Variants in COL23A1 observed in about 807,000 individuals in gnomAD.
COL23A1 encodes the protein collagen type XXIII alpha 1 chain.
COL23A1 carries 97 observed loss-of-function variants against 99.3 expected under a neutral mutation model. That is an observed-to-expected ratio of 0.98 (90% CI 0.83 to 1.16). The LOEUF (loss-of-function observed/expected upper bound fraction) is 1.16, where lower values mean the gene tolerates loss of function less well. Among genes scored for constraint, COL23A1 ranks in the 50% most tolerant of loss-of-function variants. The pLI, the probability that COL23A1 is intolerant of heterozygous loss-of-function variation, is 0.00. For missense variants in COL23A1, 762 were observed against 757.4 expected, an observed-to-expected ratio of 1.01 and a Z score of -0.07; for synonymous variants, 320 against 308.2, an observed-to-expected ratio of 1.04 and a Z score of -0.40.
chr5:178,371,445 C>T (rs1479387265), intron 2 of COL23A1, among the ~76,000 whole-genome samples: 4 of 152,150 alleles, frequency 2.6e-5, no homozygotes, highest in East Asian at 1.9e-4. Context: ...GGATGGGCCT[C>T]GCGGGCTTGG....
chr5:178,574,196 A>C (rs1763239207), intron 1 of COL23A1, among the ~76,000 whole-genome samples: 1 of 152,170 alleles, frequency 6.6e-6, no homozygotes, highest in Non-Finnish European at 1.5e-5. Context: ...AGAACAGGCA[A>C]AACTGAGCTA....
chr5:178,261,701 T>TGG (rs1765634890), intron 11 of COL23A1, 21 bp downstream of exon 11: 1 of 1,596,618 alleles, frequency 6.3e-7, no homozygotes, highest in South Asian at 1.1e-5. Flanking sequence ...GGGAGGGGCA[T>TGG]GGGGAATAAG....
intron 2 of COL23A1, among the ~76,000 whole-genome samples, chr5:178,486,249 TGAG>T (rs1757619661): frequency 6.6e-6 from 1 of 152,192 alleles, no homozygotes; most frequent in African/African-American, 2.4e-5. Context: ...AGCTGCAGAA[TGAG>T]GACGGTTGTC....
chr5:178,470,848 C>A (rs1204110444), intron 2 of COL23A1, among the ~76,000 whole-genome samples: 2 of 152,210 alleles, frequency 1.3e-5, no homozygotes, highest in South Asian at 4.1e-4. Flanking sequence ...CTGAGAGCTG[C>A]GCTGGAGAAG....
intron 2 of COL23A1, among the ~76,000 whole-genome samples, chr5:178,452,954 T>C (rs988365382): frequency 1.3e-5 from 2 of 152,204 alleles, no homozygotes; most frequent in Non-Finnish European, 2.9e-5. Context: ...AATGGATATA[T>C]ACATTAATTC....
Position 178,506,513 on chromosome 5 carries a change from C to G in COL23A1, c.361+54169G>C, listed in dbSNP as rs185831119. Among the ~76,000 whole-genome samples, 142 of 152,276 alleles carry G rather than the reference C, an allele frequency of 9.3e-4. 1 individual carries two copies. Among genetic ancestry groups the G allele is most frequent in the African/African-American group, 3.2e-3 (133 of 41,560 alleles). ...GCATGAGCAAAGAGCAATGCCTGGG[C>G]CAACAAGGAACTCCGTGGGAGGTGG... On this transcript the variant is annotated intron_variant, in intron 2 of 28. Transcript: ENST00000390654.
At chr5:178,367,614 C>T (rs997136955) in intron 2 of COL23A1, among the ~76,000 whole-genome samples, 2 of 152,128 alleles carry the variant, frequency 1.3e-5, no homozygotes, top group South Asian at 4.1e-4. Flanking sequence ...AGGCTGGGGG[C>T]GGGGTCAAAC....
chr5:178,590,163 T>A lies in COL23A1; in HGVS notation c.35A>T (p.Asp12Val). The A allele has an allele frequency of 8.2e-7, 1 of 1,222,410 alleles. No homozygotes were observed. Among genetic ancestry groups the A allele is most frequent in the Non-Finnish European group, 1.0e-6 (1 of 986,110 alleles). 75.7% of individuals were successfully genotyped at this position (1,222,410 alleles called of 1,614,324 possible). A position where few individuals can be genotyped will look rare whatever the true frequency, so the allele number is the denominator to read the frequency against. The change falls in exon 1 of 29, where the codon GAC becomes GTC. Residue 12 changes from aspartate (D) to valine (V), a missense_variant. Physicochemically the swap from Asp to Val is radical, Grantham distance 152. Transcript: ENST00000390654. This position sits in a 1 kb window ranked among gnomAD's most constrained non-coding sequence, Gnocchi z 5.7. ...GPGERAGGGG[D>V]AGKGNAAGGG... is the part of the protein sequence containing the mutation. ...GCCCGCCGCATTGCCCTTCCCCGCG[T>A]CGCCGCCGCCACCGGCGCGCTCGCC...
chr5:178,406,703 C>T (rs896886918), intron 2 of COL23A1, among the ~76,000 whole-genome samples: 19 of 152,172 alleles, frequency 1.2e-4, no homozygotes, highest in African/African-American at 3.1e-4. Flanking sequence ...GCTGGGATTA[C>T]AGGCATGAGT....
intron 2 of COL23A1, among the ~76,000 whole-genome samples, chr5:178,555,527 T>C (rs12523444): frequency 0.3 from 45,109 of 152,098 alleles, 6,759 homozygotes; most frequent in Middle Eastern, 0.4. Flanking sequence ...CAGATGGGCC[T>C]GAAGCCAGCT....
At chr5:178,403,137 A>G (rs1179302405) in intron 2 of COL23A1, among the ~76,000 whole-genome samples, 4 of 137,060 alleles carry the variant, frequency 2.9e-5, no homozygotes, top group African/African-American at 1.1e-4. Context: ...TAAATAAAAA[A>G]TAAATACCAT....
In COL23A1 at chr5:178,344,761, T is replaced by C. The variant is rs559977103; in HGVS notation, c.362-37842A>G. 1.3e-3 allele frequency: 622 copies of C among 467,438 alleles called. 9 individuals are homozygous for C. Among genetic ancestry groups the C allele is most frequent in the Middle Eastern group, 9.9e-3 (14 of 1,408 alleles). The allele number at this position is 467,438 out of a possible 1,614,324, so 29.0% of individuals were successfully genotyped here. ...GAACCTACTGAAACAGAGGGCCTAC[T>C]GTATGCCCGTTGCCTCCAGAAAGTT... On this transcript the variant is annotated intron_variant, in intron 2 of 28. Transcript: ENST00000390654.
At chr5:178,295,513 C>T (rs1394029811) in intron 3 of COL23A1, among the ~76,000 whole-genome samples, 2 of 152,216 alleles carry the variant, frequency 1.3e-5, no homozygotes, top group Non-Finnish European at 2.9e-5. Flanking sequence ...TGAGGACAGT[C>T]ACCTCACACA....
At chr5:178,319,081 C>T (rs930446675) in intron 2 of COL23A1, among the ~76,000 whole-genome samples, 5 of 151,426 alleles carry the variant, frequency 3.3e-5, no homozygotes, top group South Asian at 2.1e-4. Flanking sequence ...CAGGCTGTGT[C>T]GGTGCTGGGT....
At chr5:178,383,935 T>C (rs956754112) in intron 2 of COL23A1, among the ~76,000 whole-genome samples, 2 of 147,798 alleles carry the variant, frequency 1.4e-5, no homozygotes, top group Admixed American at 1.3e-4. Flanking sequence ...TAGACATGAA[T>C]GGCTAGAGAG....
At chr5:178,566,956 C>T (rs1197262657) in intron 1 of COL23A1, among the ~76,000 whole-genome samples, 1 of 152,188 alleles carries the variant, frequency 6.6e-6, no homozygotes, top group Admixed American at 6.5e-5. Flanking sequence ...TTTATATACA[C>T]ATTAGGGTTG....
At chr5:178,392,530 G>A (rs529345072) in intron 2 of COL23A1, among the ~76,000 whole-genome samples, 11 of 152,288 alleles carry the variant, frequency 7.2e-5, no homozygotes, top group African/African-American at 2.6e-4. Context: ...CAGCAGCAAT[G>A]TTTTATCCAC....
chr5:178,288,237 GCAGA>G, intron 5 of COL23A1, 83 bp downstream of exon 5: 1 of 1,117,036 alleles, frequency 9.0e-7, no homozygotes, highest in Non-Finnish European at 1.4e-6. Context: ...AGACAGGAGC[GCAGA>G]CAGAGTTAAA....
chr5:178,416,374 C>A lies in COL23A1; in HGVS notation c.362-109455G>T, dbSNP rs200904682. Among the ~76,000 whole-genome samples, 6 of 152,178 alleles carry A rather than the reference C, an allele frequency of 3.9e-5. No homozygotes were observed. In the South Asian group the frequency reaches 1.2e-3, roughly 32 times the overall value. On this transcript the variant is annotated intron_variant, in intron 2 of 28. Coordinates refer to ENST00000390654, the MANE Select transcript of COL23A1 (RefSeq NM_173465.4). ...TCCCCGGGCCTCCATCGTGGCTGAC[C>A]GGAGCTCGGCACCTGTCTTCTCCTT...
Sources: allele counts gnomAD v4.1 joint callset (sites outside exome capture counted in the v4.1 genomes callset), GRCh38; gene constraint gnomAD v4.1.1; non-coding constraint Gnocchi (gnomAD v3.1); transcripts MANE v1.5; gene names NCBI Gene and HGNC (gene_info 2026-07-23, HGNC 2026-07-21).